The following ANKFN1 variants were observed in gnomAD, a reference collection of about 807,000 sequenced individuals.
ANKFN1 encodes the protein ankyrin repeat and fibronectin type-III domain-containing protein 1.
Under a neutral mutation model 108.7 loss-of-function variants are expected in ANKFN1, and 74 were observed. The observed-to-expected ratio is 0.68, with a 90% confidence interval of 0.56 to 0.83. ANKFN1 has a LOEUF of 0.83. Ranked by LOEUF, ANKFN1 falls within the 40% of genes least tolerant of loss-of-function variation. The pLI, the probability that ANKFN1 is intolerant of heterozygous loss-of-function variation, is 0.00. For missense variants in ANKFN1, 1,505 were observed against 1,382.3 expected (o/e 1.09, Z -1.41); for synonymous variants, 547 against 516.2 (o/e 1.06, Z -0.81).
At chr17:56,253,558 T>C (rs2043285073) in intron 3 of ANKFN1, among the ~76,000 whole-genome samples, 1 of 152,016 alleles carries the variant, frequency 6.6e-6, no homozygotes, top group South Asian at 2.1e-4. Context: ...GCCAATATGG[T>C]GAAACCCCAT....
At chr17:56,107,257 G>A (rs1905768496) in intron 4 of ANKFN1, among the ~76,000 whole-genome samples, 1 of 152,162 alleles carries the variant, frequency 6.6e-6, no homozygotes, top group Non-Finnish European at 1.5e-5. Flanking sequence ...GAGGTTTCAA[G>A]GTGCCCAAGA....
At chr17:56,484,458 A>G (rs1291972330) in intron 18 of ANKFN1, among the ~76,000 whole-genome samples, 1 of 152,112 alleles carries the variant, frequency 6.6e-6, no homozygotes, top group African/African-American at 2.4e-5. Context: ...TCTAAAGAAT[A>G]CTCTCATTGT....
At chr17:56,109,621 T>C (rs977784299) in intron 4 of ANKFN1, among the ~76,000 whole-genome samples, 1 of 152,162 alleles carries the variant, frequency 6.6e-6, no homozygotes, top group African/African-American at 2.4e-5. Flanking sequence ...ACACCGGCAA[T>C]GAAATGCTCC....
intron 10 of ANKFN1, among the ~76,000 whole-genome samples, chr17:56,447,332 G>T (rs531360575): frequency 8.1e-4 from 124 of 152,184 alleles, no homozygotes; most frequent in Non-Finnish European, 1.6e-3. Flanking sequence ...CTCTACAAAA[G>T]GTACCTGTGC....
At chr17:56,481,561 C>T (rs1232665462) in intron 17 of ANKFN1, among the ~76,000 whole-genome samples, 1 of 151,922 alleles carries the variant, frequency 6.6e-6, no homozygotes, top group Non-Finnish European at 1.5e-5. Flanking sequence ...ACTGGGAGAC[C>T]ATTAGAGGAG....
Position 56,372,689 on chromosome 17 carries a change from C to T in ANKFN1, c.645C>T (p.Val215=). ...ESRAMHLNTL[V]QEAQERVSEL... ...GAGCAATGCACCTCAACACACTGGT[C>T]CAGGAAGCCCAGGAGAGGGTGAGTG... Residue 215 remains valine (V), a synonymous_variant, in exon 7 of 21, where the codon GTC becomes GTT. Transcript: ENST00000682825. 2 of 1,613,820 alleles carry T rather than the reference C, an allele frequency of 1.2e-6. No homozygotes were observed. Among genetic ancestry groups the T allele is most frequent in the South Asian group, 1.1e-5 (1 of 91,046 alleles).
chr17:56,115,859 CCCT>C (rs976448052), intron 4 of ANKFN1, among the ~76,000 whole-genome samples: 2 of 152,120 alleles, frequency 1.3e-5, no homozygotes, highest in Non-Finnish European at 2.9e-5. Flanking sequence ...TCTCTTGAGC[CCCT>C]GGTCCTACAG....
rs554411371 is a variant in ANKFN1 at position 56,212,808 on chromosome 17, C to G, written c.12+129C>G. Among the ~76,000 whole-genome samples the G allele has an allele frequency of 2.0e-4, 31 of 152,322 alleles. No homozygotes were observed. In the South Asian group the frequency reaches 6.4e-3, roughly 32 times the overall value. ...CACCCAAAGGCGCAAACCACTCGCT[C>G]TAGTTCTTTACCTTGCATGGAATTT... On this transcript the variant is annotated intron_variant, in intron 2 of 20. Coordinates refer to ENST00000682825, the MANE Select transcript of ANKFN1 (RefSeq NM_001370326.1).
Position 56,510,654 on chromosome 17 carries a change from G to GCACGA in ANKFN1, c.2828_2832dup (p.Val945ThrfsTer3). The GCACGA allele has an allele frequency of 6.5e-7, 1 of 1,536,186 alleles. No homozygotes were observed. The highest frequency in any genetic ancestry group is 1.2e-5 in the South Asian group (1 of 84,070). On this transcript the variant is annotated frameshift_variant, in exon 21 of 21. Transcript: ENST00000682825. LOFTEE classifies it low-confidence loss of function (END_TRUNC). ...GCAGCGCCCCCGACGTCCTGCAAGT[G>GCACGA]CACGACGTGAAAACCCCTCTGGGGC...
Position 56,252,948 on chromosome 17 carries a change from G to T in ANKFN1, c.53+24991G>T, listed in dbSNP as rs548708656. Among the ~76,000 whole-genome samples the T allele has an allele frequency of 4.6e-5, 7 of 152,240 alleles. No individual in the cohort carries two copies. In the East Asian group the frequency reaches 1.4e-3, roughly 29 times the overall value. On this transcript the variant is annotated intron_variant, in intron 3 of 20. Transcript: ENST00000682825. The stretch of plus-strand genomic sequence containing the variant: ...AGGGTGGTGCATGCCTGTAGTCCTG[G>T]CTACTCACGAGGGTGAGGTGGGGGG...
chr17:56,257,094 T>C (rs2043376890), intron 3 of ANKFN1, among the ~76,000 whole-genome samples: 2 of 152,200 alleles, frequency 1.3e-5, no homozygotes, highest in Admixed American at 6.5e-5. Context: ...GGGACCAACT[T>C]CAAAGTGTTA....
upstream of ANKFN1, among the ~76,000 whole-genome samples, chr17:56,152,001 A>G (rs1231559210): frequency 2.0e-5 from 3 of 152,050 alleles, no homozygotes; most frequent in Admixed American, 6.6e-5. Context: ...GTTTTTTTTA[A>G]AGAAAAGGAA....
chr17:56,402,209 G>A (rs1158640951), intron 8 of ANKFN1, among the ~76,000 whole-genome samples: 1 of 152,074 alleles, frequency 6.6e-6, no homozygotes, highest in Non-Finnish European at 1.5e-5. Flanking sequence ...TGGCTTCATA[G>A]AATGAATTGG....
In ANKFN1 at chr17:56,440,326, G is replaced by A. The variant is rs1352939076; in HGVS notation, c.911-1G>A. The A allele has an allele frequency of 2.5e-6, 4 of 1,594,878 alleles. No homozygotes were observed. The highest frequency in any genetic ancestry group is 2.7e-5 in the African/African-American group (2 of 74,472). ...TCTCCCTGCCCCCCTACTCCCTCCA[G>A]TGGAATGGAGTATGTCCGAAGACTT... On this transcript the variant is annotated splice_acceptor_variant, in intron 8 of 20. Coordinates refer to ENST00000682825, the MANE Select transcript of ANKFN1 (RefSeq NM_001370326.1). LOFTEE classifies it high-confidence loss of function.
chr17:56,480,182 G>A (rs5027751), intron 16 of ANKFN1, among the ~76,000 whole-genome samples: 18,000 of 152,176 alleles, frequency 0.12, 1,605 homozygotes, highest in African/African-American at 0.25. Flanking sequence ...CAAGCTTTTG[G>A]AAGGAGAGAA....
At chr17:56,161,766 TA>T (rs879759036) in intron 1 of ANKFN1, among the ~76,000 whole-genome samples, 148 of 135,476 alleles carry the variant, frequency 1.1e-3, no homozygotes, top group African/African-American at 2.2e-3. Context: ...TAGATTTCAG[TA>T]AAAAAAAAAA....
chr17:56,460,982 C>G (rs1195160373), intron 14 of ANKFN1, among the ~76,000 whole-genome samples: 2 of 152,222 alleles, frequency 1.3e-5, no homozygotes, highest in Non-Finnish European at 2.9e-5. Flanking sequence ...GCACCAGAAA[C>G]CAGAAGCAGA....
intron 18 of ANKFN1, 91 bp from the exon 19 acceptor site, chr17:56,492,096 G>A: frequency 1.5e-6 from 1 of 646,296 alleles, no homozygotes; most frequent in Non-Finnish European, 2.8e-6. Context: ...AATAAATCAT[G>A]TTTTCATTCA....
chr17:56,130,551 A>T (rs1907221178), intron 4 of ANKFN1, among the ~76,000 whole-genome samples: 1 of 152,076 alleles, frequency 6.6e-6, no homozygotes, highest in Non-Finnish European at 1.5e-5. Context: ...AAATATTTAT[A>T]CTAGATCAGC....
Sources: gnomAD v4.1 joint callset for allele counts (sites outside exome capture counted in the v4.1 genomes callset) on GRCh38, gnomAD v4.1.1 for gene constraint, MANE v1.5 for transcripts, NCBI Gene and HGNC (gene_info 2026-07-23, HGNC 2026-07-21) for gene names.